The following EBF2 variants were observed in gnomAD, a reference collection of about 807,000 sequenced individuals.
EBF2 encodes the protein transcription factor COE2.
In EBF2, 21 loss-of-function variants were observed where a neutral mutation model predicts 72.8. The observed-to-expected ratio is 0.29, with a 90% CI of 0.20 to 0.42. The LOEUF (loss-of-function observed/expected upper bound fraction) is 0.42. EBF2 is among the 10% of genes least tolerant of loss of function. The probability of loss-of-function intolerance (pLI) is 1.00; values close to 1 mark genes in which losing one functional copy is unlikely to be tolerated. For missense variants in EBF2, 637 were observed against 731.2 expected (o/e 0.87, Z 1.49); for synonymous variants, 299 against 274.2 (o/e 1.09, Z -0.89).
chr8:25,903,971 G>A (rs940941156), intron 7 of EBF2, among the ~76,000 whole-genome samples: 1 of 152,188 alleles, frequency 6.6e-6, no homozygotes, highest in African/African-American at 2.4e-5. Context: ...TCCAGGAACA[G>A]AGAGCATTTG....
intron 6 of EBF2, among the ~76,000 whole-genome samples, chr8:25,962,934 G>C (rs770397515): frequency 6.6e-6 from 1 of 152,130 alleles, no homozygotes; most frequent in Non-Finnish European, 1.5e-5. Flanking sequence ...CAAGGTCCTC[G>C]CATTACAAAG....
chr8:25,943,311 CAAAAAAAAAAAAAA>C (rs71551840), intron 6 of EBF2, among the ~76,000 whole-genome samples: 1 of 59,158 alleles, frequency 1.7e-5, no homozygotes, highest in Non-Finnish European at 4.1e-5. Context: ...TGTCTCTACA[CAAAAAAAAAAAAAA>C]AAAAAAAAGA....
intron 10 of EBF2, among the ~76,000 whole-genome samples, chr8:25,879,299 TGTTTA>T (rs1291076216): frequency 2.0e-5 from 3 of 152,232 alleles, no homozygotes; most frequent in African/African-American, 7.2e-5. Context: ...TTCCATTATT[TGTTTA>T]ATGAATCCCC....
At chr8:25,845,567 C>T (rs4074002) in intron 15 of EBF2, among the ~76,000 whole-genome samples, 41,714 of 152,050 alleles carry the variant, frequency 0.27, 5,939 homozygotes, top group South Asian at 0.4. Flanking sequence ...ATGGAGTAAT[C>T]TAATTCTTTC....
chr8:26,044,950 C>G lies in EBF2; in HGVS notation c.-91G>C. Reference sequence around the variant, plus strand: ...CAACGTTGCCAGCAAATCGTCTCCTCCAAAGCAATCCAAGAAAAGGGATCA... The same window carrying G: ...CAACGTTGCCAGCAAATCGTCTCCTGCAAAGCAATCCAAGAAAAGGGATCA... On this transcript the variant is annotated 5_prime_UTR_variant, in exon 1 of 16. Coordinates refer to ENST00000520164, the MANE Select transcript of EBF2 (RefSeq NM_022659.4). This position sits in a 1 kb window ranked among gnomAD's most constrained non-coding sequence, Gnocchi z 4.1. 7.2e-7 allele frequency: 1 copy of G among 1,395,274 alleles called. No individual in the cohort carries two copies. The allele number at this position is 1,395,274 out of a possible 1,614,324, so 86.4% of individuals were successfully genotyped here. A position where few individuals can be genotyped will look rare whatever the true frequency, so the allele number is the denominator to read the frequency against.
intron 6 of EBF2, among the ~76,000 whole-genome samples, chr8:26,006,957 A>T (rs939741067): frequency 5.3e-5 from 8 of 152,222 alleles, no homozygotes; most frequent in African/African-American, 1.9e-4. Context: ...GTCAGATGAC[A>T]GCATAGTCTA....
At chr8:25,854,385 T>C (rs979744807) in intron 14 of EBF2, among the ~76,000 whole-genome samples, 2 of 152,230 alleles carry the variant, frequency 1.3e-5, no homozygotes, top group African/African-American at 4.8e-5. Context: ...TGAAGGATTT[T>C]ATGCAGCCCA....
rs756248011 is a variant in EBF2, at chr8:26,033,157, T to C, written c.483-4A>G. 6 of 1,614,032 alleles carry C rather than the reference T, an allele frequency of 3.7e-6. No individual in the cohort carries two copies. The Admixed American group carries it at 1.0e-4, about 27-fold the overall frequency. On this transcript the variant is annotated splice_region_variant and splice_polypyrimidine_tract_variant and intron_variant, in intron 5 of 15. Coordinates refer to ENST00000520164, the MANE Select transcript of EBF2 (RefSeq NM_022659.4). The stretch of plus-strand genomic sequence containing the variant: ...GCTTTTCTTTTCGCAGCATCGACTG[T>C]AGATTGGGAAGGAACCAAGAGTGAA...
intron 6 of EBF2, among the ~76,000 whole-genome samples, chr8:26,008,840 C>A (rs79171641): frequency 1.1e-4 from 13 of 114,586 alleles, no homozygotes; most frequent in South Asian, 6.2e-4. Context: ...ATCAACCTCT[C>A]AAAAAAAAAA....
intron 1 of EBF2, among the ~76,000 whole-genome samples, chr8:26,043,838 G>A (rs558327697): frequency 1.3e-5 from 2 of 152,250 alleles, no homozygotes; most frequent in South Asian, 4.2e-4. Flanking sequence ...GGACCTGGAG[G>A]CCACAAATCC....
At chr8:25,928,393 C>G (rs1339733712) in intron 6 of EBF2, among the ~76,000 whole-genome samples, 1 of 152,084 alleles carries the variant, frequency 6.6e-6, no homozygotes, top group Non-Finnish European at 1.5e-5. Context: ...CTGACTCATT[C>G]CCTGTCCTCT....
chr8:25,938,406 T>C (rs1287931349), intron 6 of EBF2, among the ~76,000 whole-genome samples: 1 of 151,806 alleles, frequency 6.6e-6, no homozygotes, highest in African/African-American at 2.4e-5. Context: ...TTTTTTTGTC[T>C]TTCAGTTTTT....
chr8:25,943,311 C>CAAAAAAAAAAAAA (rs71551840), intron 6 of EBF2, among the ~76,000 whole-genome samples: 18 of 59,096 alleles, frequency 3.0e-4, no homozygotes, highest in Non-Finnish European at 4.1e-4. Flanking sequence ...TGTCTCTACA[C>CAAAAAAAAAAAAA]AAAAAAAAAA....
At chr8:25,993,181 G>A (rs1423804992) in intron 6 of EBF2, among the ~76,000 whole-genome samples, 1 of 152,148 alleles carries the variant, frequency 6.6e-6, no homozygotes, top group Non-Finnish European at 1.5e-5. Context: ...TCAATGAAGT[G>A]CCCAGAACCT....
chr8:25,864,266 T>G (rs781568791), intron 10 of EBF2, among the ~76,000 whole-genome samples: 1 of 149,832 alleles, frequency 6.7e-6, no homozygotes, highest in Non-Finnish European at 1.5e-5. Flanking sequence ...AACTTACATT[T>G]TTTTACTCAC....
chr8:26,040,197 CCCACTACCTG>C (rs748146147), intron 4 of EBF2, 96 bp from the exon 5 acceptor site: 220 of 1,309,226 alleles, frequency 1.7e-4, no homozygotes, highest in Non-Finnish European at 2.3e-4. Flanking sequence ...CGCTTTCCCT[CCCACTACCTG>C]CCACCGCATT....
chr8:25,857,365 A>G (rs1279849397), intron 14 of EBF2, among the ~76,000 whole-genome samples: 1 of 152,168 alleles, frequency 6.6e-6, no homozygotes, highest in African/African-American at 2.4e-5. Flanking sequence ...CTTCTGTGAC[A>G]TGTCAATTCT....
chr8:25,921,075 C>CA (rs10708985), intron 6 of EBF2, among the ~76,000 whole-genome samples: 1 of 151,680 alleles, frequency 6.6e-6, no homozygotes, highest in African/African-American at 2.4e-5. Context: ...ACCTTTGTGC[C>CA]AAAAAAAGGA....
rs1171339857 is a variant in EBF2 at position 26,005,546 on chromosome 8, A to AT, written c.551+27538dup. Among the ~76,000 whole-genome samples the AT allele has an allele frequency of 2.2e-3, 52 of 23,278 alleles. No individual in the cohort carries two copies. In the East Asian group the frequency reaches 0.028, roughly 13 times the overall value. 15.3% of individuals were successfully genotyped at this position (23,278 alleles called of 152,430 possible). A position where few individuals can be genotyped will look rare whatever the true frequency, so the allele number is the denominator to read the frequency against. On this transcript the variant is annotated intron_variant, in intron 6 of 15. Coordinates refer to ENST00000520164, the MANE Select transcript of EBF2 (RefSeq NM_022659.4). ...ATATTATATATTATATATATTTTAT[A>AT]TATATATATATATATAGAGAGAGAG...
Sources: gnomAD v4.1 joint callset for allele counts (sites outside exome capture counted in the v4.1 genomes callset) on GRCh38, gnomAD v4.1.1 for gene constraint, Gnocchi (gnomAD v3.1) non-coding constraint, MANE v1.5 for transcripts, NCBI Gene and HGNC (gene_info 2026-07-23, HGNC 2026-07-21) for gene names.